Variants in NCF2 observed in about 807,000 individuals in gnomAD.
The protein encoded by NCF2 is neutrophil cytosol factor 2.
In NCF2, 45 loss-of-function variants were observed where a neutral mutation model predicts 70.9. That is an observed-to-expected ratio of 0.63 (90% CI 0.50 to 0.81). The LOEUF is 0.81. Among genes scored for constraint, NCF2 ranks in the 40% least tolerant of loss-of-function variants. The pLI is 0.00. For synonymous variants in NCF2, 203 were observed against 233.6 expected, an observed-to-expected ratio of 0.87 and a Z score of 1.19; for missense variants, 522 against 631.6, an observed-to-expected ratio of 0.83 and a Z score of 1.86.
chr1:183,584,706 G>A (rs1673259883), intron 2 of NCF2, among the ~76,000 whole-genome samples: 1 of 152,084 alleles, frequency 6.6e-6, no homozygotes, highest in Non-Finnish European at 1.5e-5. Context: ...TTGTTGTTAG[G>A]CCTCCCTGCA....
At chr1:183,557,875 A>T (rs1275156344) in intron 14 of NCF2, among the ~76,000 whole-genome samples, 2 of 148,974 alleles carry the variant, frequency 1.3e-5, no homozygotes, top group African/African-American at 5.0e-5. Flanking sequence ...TATTACTACT[A>T]CTCATATTTT....
chr1:183,593,124 C>A (rs1441367227), upstream of NCF2, among the ~76,000 whole-genome samples: 2 of 77,892 alleles, frequency 2.6e-5, no homozygotes, highest in East Asian at 4.8e-4. Context: ...AATGTATGTG[C>A]ATGCAAGTCT....
At chr1:183,601,844 A>G in the NCF2 span, among the ~76,000 whole-genome samples, 1 of 145,532 alleles carries the variant, frequency 6.9e-6, no homozygotes. Context: ...GGCGACAGAG[A>G]GAGATCTGTC....
Position 183,563,284 on chromosome 1 carries a change from C to T in NCF2, c.1201G>A (p.Glu401Lys), listed in dbSNP as rs765110090. Residue 401 changes from glutamate (E) to lysine (K), a missense_variant, in exon 13 of 15, where the codon GAG becomes AAG. By Grantham distance (56) the Glu-to-Lys change is moderately conservative. Coordinates refer to ENST00000367535, the MANE Select transcript of NCF2 (RefSeq NM_000433.4). ...CTGTCTTCTGAAAGGGGCACCAGCT[C>T]ATTGCTGTCCCGAGGCCGATAGCTG... ...KLSYRPRDSNELVPLSEDSMK... is the reference protein window; with the variant it reads ...KLSYRPRDSNKLVPLSEDSMK... The T allele has an allele frequency of 6.2e-7, 1 of 1,614,204 alleles. No individual in the cohort carries two copies. Among genetic ancestry groups the T allele is most frequent in the East Asian group, 2.2e-5 (1 of 44,888 alleles).
chr1:183,569,214 G>A (rs765699858), intron 6 of NCF2, 29 bp from the exon 7 acceptor site: 23 of 1,611,060 alleles, frequency 1.4e-5, no homozygotes, highest in Middle Eastern at 1.7e-4. Flanking sequence ...AAGTGAAAAC[G>A]GAAAAGGCAA....
chr1:183,573,956 G>A (rs1672684854), intron 4 of NCF2, among the ~76,000 whole-genome samples: 1 of 152,170 alleles, frequency 6.6e-6, no homozygotes, highest in Non-Finnish European at 1.5e-5. Context: ...CAGGCATGGT[G>A]GCATGCACCT....
At chr1:183,588,143 G>C (rs1572179249) in intron 1 of NCF2, among the ~76,000 whole-genome samples, 2 of 152,318 alleles carry the variant, frequency 1.3e-5, no homozygotes, top group Middle Eastern at 6.8e-3. Context: ...AATGCAGCGA[G>C]ACTGTGCTAT....
At chr1:183,583,908 A>C (rs1673225172) in intron 2 of NCF2, among the ~76,000 whole-genome samples, 1 of 152,194 alleles carries the variant, frequency 6.6e-6, no homozygotes, top group South Asian at 2.1e-4. Flanking sequence ...ATCACTCTGG[A>C]ATATGAATGG....
At chr1:183,570,714 C>G (rs1672504751) in intron 6 of NCF2, 66 bp downstream of exon 6, 3 of 1,537,172 alleles carry the variant, frequency 2.0e-6, no homozygotes, top group Non-Finnish European at 1.8e-6. Context: ...CATAGTCTCT[C>G]GAATTGAATG....
chr1:183,565,989 C>T lies in NCF2; in HGVS notation c.925-210G>A, dbSNP rs182744353. On this transcript the variant is annotated intron_variant, in intron 9 of 14. Coordinates refer to ENST00000367535, the MANE Select transcript of NCF2 (RefSeq NM_000433.4). ...GTTGGCCTGATGAAAATGAAAATCACAGTAGAAAGAAGAATCCTAACCCGC... is the reference window on the plus strand; with the variant it reads ...GTTGGCCTGATGAAAATGAAAATCATAGTAGAAAGAAGAATCCTAACCCGC... Among the ~76,000 whole-genome samples the T allele has an allele frequency of 1.6e-3, 239 of 152,324 alleles. 1 individual carries two copies. Among genetic ancestry groups the T allele is most frequent in the Non-Finnish European group, 2.8e-3 (193 of 68,020 alleles).
At chr1:183,566,334 A>T (rs2102888729) in intron 9 of NCF2, among the ~76,000 whole-genome samples, 1 of 152,324 alleles carries the variant, frequency 6.6e-6, no homozygotes, top group Non-Finnish European at 1.5e-5. Context: ...AGTGTGAGGG[A>T]GGGAGTAGCA....
At chr1:183,565,513 G>C (rs1440747888) in intron 10 of NCF2, among the ~76,000 whole-genome samples, 191 bp downstream of exon 10, 2 of 152,200 alleles carry the variant, frequency 1.3e-5, no homozygotes, top group Admixed American at 6.5e-5. Context: ...GGCAGGGAGA[G>C]AGGGCACTGA....
chr1:183,596,011 A>G, the NCF2 span, among the ~76,000 whole-genome samples: 3 of 152,000 alleles, frequency 2.0e-5, no homozygotes, highest in Non-Finnish European at 4.4e-5. Context: ...TGTGCACTCA[A>G]GGAGGTTTCT....
In NCF2 at chr1:183,566,951, T is replaced by A. The variant is rs1672326686; in HGVS notation, c.893A>T (p.Glu298Val). The A allele has an allele frequency of 1.2e-6, 2 of 1,614,134 alleles. No homozygotes were observed. Among genetic ancestry groups the A allele is most frequent in the Non-Finnish European group, 1.7e-6 (2 of 1,180,042 alleles). ...LVPCNYLEPVELRIHPQQQPQ... is the reference protein window; with the variant it reads ...LVPCNYLEPVVLRIHPQQQPQ... ...CTGCTGCTGAGGGTGGATCCGCAGC[T>A]CAACTGGTTCAAGGTAGTTGCAGGG... Residue 298 changes from glutamate to valine, a missense_variant, in exon 9 of 15, where the codon GAG (glutamate) becomes GTG (valine). Coordinates refer to ENST00000367535, the MANE Select transcript of NCF2 (RefSeq NM_000433.4).
chr1:183,582,721 C>G (rs977519604), intron 2 of NCF2, among the ~76,000 whole-genome samples: 1 of 152,222 alleles, frequency 6.6e-6, no homozygotes, highest in Non-Finnish European at 1.5e-5. Flanking sequence ...TGCTATGGAG[C>G]CTCTTTAAGC....
In NCF2 at chr1:183,577,608, A is replaced by G. The variant is rs748707281; in HGVS notation, c.357T>C (p.Phe119=). 1 of 1,611,622 alleles carries G rather than the reference A, an allele frequency of 6.2e-7. No homozygotes were observed. The highest frequency in any genetic ancestry group is 8.5e-7 in the Non-Finnish European group (1 of 1,177,676). The stretch of plus-strand genomic sequence containing the variant: ...GCCCTGTTCTCCTTACCTCACAGGC[A>G]AACAGCTTGAACTGGAGCCCCAGGA... ...YKILGLQFKL[F]ACEVLYNIAF... The change falls in exon 3 of 15, where the codon TTT becomes TTC. Residue 119 remains phenylalanine (F), a synonymous_variant. Coordinates refer to ENST00000367535, the MANE Select transcript of NCF2 (RefSeq NM_000433.4).
chr1:183,578,316 GA>G (rs922584027), intron 2 of NCF2, among the ~76,000 whole-genome samples: 1 of 147,794 alleles, frequency 6.8e-6, no homozygotes, highest in Non-Finnish European at 1.5e-5. Flanking sequence ...CTTTGGAAAA[GA>G]AAAAAAAACA....
At chr1:183,572,753 C>T (rs1227847715) in intron 5 of NCF2, among the ~76,000 whole-genome samples, 1 of 152,162 alleles carries the variant, frequency 6.6e-6, no homozygotes, top group African/African-American at 2.4e-5. Flanking sequence ...GATCCTCTCA[C>T]CTCAGCCTCT....
At chr1:183,577,859 G>C in intron 2 of NCF2, 152 bp from the exon 3 acceptor site, 1 of 683,024 alleles carries the variant, frequency 1.5e-6, no homozygotes, top group East Asian at 2.7e-5. Flanking sequence ...CAGCAACCCT[G>C]AGTCCAAGTA....
Sources: allele counts gnomAD v4.1 joint callset (sites outside exome capture counted in the v4.1 genomes callset), GRCh38; gene constraint gnomAD v4.1.1; transcripts MANE v1.5; gene names NCBI Gene and HGNC (gene_info 2026-07-23, HGNC 2026-07-21).